COMMD10: variants seen among roughly 807,000 people sequenced by gnomAD.
COMMD10 encodes COMM domain containing 10.
Under a neutral mutation model 28.9 loss-of-function variants are expected in COMMD10, and 33 were observed. The ratio of observed to expected loss-of-function variants is 1.14; its 90% CI spans 0.87 to 1.53. COMMD10 has a LOEUF of 1.53. Among genes scored for constraint, COMMD10 ranks in the 40% most tolerant of loss-of-function variants. The probability of loss-of-function intolerance (pLI) is 0.00; values close to 1 mark genes in which losing one functional copy is unlikely to be tolerated. For synonymous variants in COMMD10, 110 were observed against 81.7 expected, an observed-to-expected ratio of 1.35 and a Z score of -1.87; for missense variants, 310 against 233.4, an observed-to-expected ratio of 1.33 and a Z score of -2.14.
At chr5:116,191,950 G>A (rs1022241028) in intron 5 of COMMD10, among the ~76,000 whole-genome samples, 6 of 150,208 alleles carry the variant, frequency 4.0e-5, no homozygotes, top group Admixed American at 2.7e-4. Flanking sequence ...TGGTATCTAC[G>A]GAGAAGAGAC....
chr5:116,170,195 T>G (rs1241587201), intron 5 of COMMD10, among the ~76,000 whole-genome samples: 1 of 151,978 alleles, frequency 6.6e-6, no homozygotes, highest in African/African-American at 2.4e-5. Flanking sequence ...ACACCAATAA[T>G]AGACAAACTG....
intron 5 of COMMD10, among the ~76,000 whole-genome samples, chr5:116,134,770 T>C (rs1174282705): frequency 1.3e-5 from 2 of 152,034 alleles, no homozygotes. Context: ...TACAGGCGCC[T>C]GCCACCTTGT....
intron 5 of COMMD10, among the ~76,000 whole-genome samples, chr5:116,199,808 G>A (rs1748616448): frequency 6.6e-6 from 1 of 152,092 alleles, no homozygotes; most frequent in African/African-American, 2.4e-5. Flanking sequence ...GCCCAGGTTG[G>A]TCTTCAACTC....
intron 5 of COMMD10, among the ~76,000 whole-genome samples, chr5:116,279,077 A>C (rs1485511479): frequency 6.6e-6 from 1 of 151,810 alleles, no homozygotes; most frequent in Non-Finnish European, 1.5e-5. Flanking sequence ...TGTATGCCCT[A>C]GGATGTGCAT....
chr5:116,157,254 C>G lies in COMMD10; in HGVS notation c.510+23076C>G, dbSNP rs1359586999. ...TTATTTTTTTAAATTGTGGCAGGAC[C>G]TTACCTTTGGTAACATCAGTTAGCT... On this transcript the variant is annotated intron_variant, in intron 5 of 6. Coordinates refer to ENST00000274458, the MANE Select transcript of COMMD10 (RefSeq NM_016144.4). Among the ~76,000 whole-genome samples, 3 of 151,980 alleles carry G rather than the reference C, an allele frequency of 2.0e-5. No individual in the cohort carries two copies. The East Asian group carries it at 5.8e-4, about 29-fold the overall frequency.
chr5:116,151,751 T>G (rs1221223176), intron 5 of COMMD10, among the ~76,000 whole-genome samples: 1 of 152,204 alleles, frequency 6.6e-6, no homozygotes, highest in African/African-American at 2.4e-5. Context: ...CTCTCTTTTC[T>G]TCTTTATTAG....
At chr5:116,272,955 C>T (rs1290175186) in intron 5 of COMMD10, among the ~76,000 whole-genome samples, 1 of 151,782 alleles carries the variant, frequency 6.6e-6, no homozygotes, top group Admixed American at 6.6e-5. Flanking sequence ...AATGTTGTCT[C>T]GTCCCTTCTT....
intron 5 of COMMD10, among the ~76,000 whole-genome samples, chr5:116,234,886 A>G (rs1426113985): frequency 1.3e-5 from 2 of 152,164 alleles, no homozygotes; most frequent in African/African-American, 4.8e-5. Context: ...AGCTAGGGAA[A>G]AAGGGTGACA....
chr5:116,226,730 G>A (rs937763175), intron 5 of COMMD10, among the ~76,000 whole-genome samples: 7 of 152,078 alleles, frequency 4.6e-5, no homozygotes, highest in Admixed American at 3.9e-4. Flanking sequence ...TAAGTAGATG[G>A]CCTTAATATT....
intron 5 of COMMD10, among the ~76,000 whole-genome samples, chr5:116,201,845 C>G (rs1312884819): frequency 6.6e-6 from 1 of 152,054 alleles, no homozygotes; most frequent in African/African-American, 2.4e-5. Context: ...GGAATAGAAT[C>G]TAAATATTTG....
At chr5:116,217,323 A>G (rs542596084) in intron 5 of COMMD10, among the ~76,000 whole-genome samples, 4 of 152,266 alleles carry the variant, frequency 2.6e-5, no homozygotes, top group Middle Eastern at 6.8e-3. Context: ...AAACTTAACT[A>G]CCTTCTTCAA....
intron 5 of COMMD10, among the ~76,000 whole-genome samples, chr5:116,233,851 A>AT (rs1749591011): frequency 6.6e-6 from 1 of 152,128 alleles, no homozygotes; most frequent in Non-Finnish European, 1.5e-5. Context: ...CATTGTTAGG[A>AT]TTTTAGCTCT....
At chr5:116,228,240 TC>T (rs35097940) in intron 5 of COMMD10, among the ~76,000 whole-genome samples, 4 of 151,726 alleles carry the variant, frequency 2.6e-5, no homozygotes, top group Non-Finnish European at 5.9e-5. Context: ...AACTTCTAAT[TC>T]CCCTTTAAAA....
At chr5:116,226,101 C>G (rs1389760150) in intron 5 of COMMD10, among the ~76,000 whole-genome samples, 1 of 152,036 alleles carries the variant, frequency 6.6e-6, no homozygotes, top group African/African-American at 2.4e-5. Flanking sequence ...TATGAACTCT[C>G]AATTCTTACC....
At chr5:116,109,875 C>T (rs567831200) in intron 4 of COMMD10, among the ~76,000 whole-genome samples, 1 of 152,144 alleles carries the variant, frequency 6.6e-6, no homozygotes, top group Non-Finnish European at 1.5e-5. Context: ...TATCTCTTGC[C>T]TGATGGCTGT....
chr5:116,157,938 A>AC lies in COMMD10; in HGVS notation c.510+23761dup, dbSNP rs201187550. On this transcript the variant is annotated intron_variant, in intron 5 of 6. Transcript: ENST00000274458. ...TCAATTGCTAAGATGGCTTTCCTTTACTTTTTTTTTTTTTTTAGTCAACCA... is the reference window on the plus strand; with the variant it reads ...TCAATTGCTAAGATGGCTTTCCTTTACCTTTTTTTTTTTTTTTAGTCAACCA... 6.9e-3 allele frequency among the ~76,000 whole-genome samples: 731 copies of AC among 106,234 alleles called. 8 individuals carry two copies. Among genetic ancestry groups the AC allele is most frequent in the East Asian group, 0.036 (132 of 3,674 alleles). The allele number at this position is 106,234 out of a possible 152,430, so 69.7% of individuals were successfully genotyped here.
intron 5 of COMMD10, among the ~76,000 whole-genome samples, chr5:116,283,030 G>A (rs1014180500): frequency 1.1e-4 from 16 of 151,894 alleles, no homozygotes; most frequent in Admixed American, 2.0e-4. Context: ...GTAGAACCAA[G>A]AATGGAAGAC....
intron 4 of COMMD10, among the ~76,000 whole-genome samples, chr5:116,125,455 C>T (rs1287360354): frequency 3.3e-5 from 5 of 152,148 alleles, no homozygotes; most frequent in South Asian, 2.1e-4. Context: ...GTGGGTAACC[C>T]GACCTTTGTC....
chr5:116,203,875 A>G (rs187265761), intron 5 of COMMD10, among the ~76,000 whole-genome samples: 152 of 152,240 alleles, frequency 1.0e-3, no homozygotes, highest in African/African-American at 3.4e-3. Context: ...GACAGGATCA[A>G]ATTCACACAT....
Sources: gnomAD v4.1 joint callset for allele counts (sites outside exome capture counted in the v4.1 genomes callset) on GRCh38, gnomAD v4.1.1 for gene constraint, MANE v1.5 for transcripts, NCBI Gene and HGNC (gene_info 2026-07-23, HGNC 2026-07-21) for gene names.